The following SLC9A9 variants were observed in gnomAD, a reference collection of about 807,000 sequenced individuals.
SLC9A9 encodes solute carrier family 9 member A9.
In SLC9A9, 62 loss-of-function variants were observed where a neutral mutation model predicts 77.8. The ratio of observed to expected loss-of-function variants is 0.80; its 90% confidence interval spans 0.65 to 0.98. The LOEUF (loss-of-function observed/expected upper bound fraction) is 0.98, where lower values mean the gene tolerates loss of function less well. Among genes scored for constraint, SLC9A9 ranks in the 50% least tolerant of loss-of-function variants. SLC9A9 has a pLI of 0.00. For missense variants in SLC9A9, 775 were observed against 774.9 expected (o/e 1.00, Z 0.00); for synonymous variants, 320 against 283.5 (o/e 1.13, Z -1.29).
chr3:143,757,529 T>C (rs1051960126), intron 4 of SLC9A9, among the ~76,000 whole-genome samples: 2 of 152,102 alleles, frequency 1.3e-5, no homozygotes, highest in African/African-American at 4.8e-5. Context: ...GTACAACAAA[T>C]TTTTTTACTG....
At chr3:143,418,669 A>C (rs1029340321) in intron 12 of SLC9A9, among the ~76,000 whole-genome samples, 2 of 152,152 alleles carry the variant, frequency 1.3e-5, no homozygotes, top group Admixed American at 6.5e-5. Flanking sequence ...TGCAGAAGGA[A>C]TAAATTGTAT....
chr3:143,764,391 G>C (rs1221275427), intron 4 of SLC9A9, among the ~76,000 whole-genome samples: 1 of 152,114 alleles, frequency 6.6e-6, no homozygotes, highest in Non-Finnish European at 1.5e-5. Context: ...TCCGTCCTTG[G>C]AATGTAATAT....
intron 5 of SLC9A9, among the ~76,000 whole-genome samples, chr3:143,674,426 T>A (rs1011024598): frequency 2.6e-5 from 4 of 152,208 alleles, no homozygotes; most frequent in African/African-American, 9.7e-5. Flanking sequence ...TCCCTAACTG[T>A]GATCCTTTTA....
intron 14 of SLC9A9, among the ~76,000 whole-genome samples, chr3:143,353,002 A>G (rs1418459962): frequency 6.6e-6 from 1 of 152,174 alleles, no homozygotes; most frequent in East Asian, 1.9e-4. Flanking sequence ...TGCGGTCCCT[A>G]CACAATCTGT....
At chr3:143,410,184 A>T (rs2034065583) in intron 12 of SLC9A9, among the ~76,000 whole-genome samples, 1 of 152,202 alleles carries the variant, frequency 6.6e-6, no homozygotes, top group Non-Finnish European at 1.5e-5. Context: ...ATCAGGGCCC[A>T]CACTGGACTT....
intron 12 of SLC9A9, among the ~76,000 whole-genome samples, chr3:143,383,978 C>T (rs1012076032): frequency 1.3e-5 from 2 of 152,208 alleles, no homozygotes; most frequent in Non-Finnish European, 2.9e-5. Flanking sequence ...TGAATAGCCC[C>T]ATCTCTCTAA....
chr3:143,757,874 G>A (rs1054860769), intron 4 of SLC9A9, among the ~76,000 whole-genome samples: 3 of 152,118 alleles, frequency 2.0e-5, no homozygotes, highest in Non-Finnish European at 4.4e-5. Context: ...AAGATAACGA[G>A]ATAAGGAGGA....
At chr3:143,637,863 AC>A (rs1223833141) in intron 6 of SLC9A9, among the ~76,000 whole-genome samples, 2 of 152,148 alleles carry the variant, frequency 1.3e-5, no homozygotes, top group Non-Finnish European at 2.9e-5. Context: ...TAAAACACAT[AC>A]TTTCCACATC....
intron 1 of SLC9A9, among the ~76,000 whole-genome samples, chr3:143,836,226 C>T (rs1018637791): frequency 3.3e-5 from 5 of 152,228 alleles, no homozygotes; most frequent in Non-Finnish European, 7.3e-5. Flanking sequence ...GTTTGAACCA[C>T]ACACTTTAGA....
At chr3:143,450,518 A>G (rs1330962649) in intron 12 of SLC9A9, among the ~76,000 whole-genome samples, 1 of 152,108 alleles carries the variant, frequency 6.6e-6, no homozygotes, top group East Asian at 1.9e-4. Context: ...ATTTTTTAAA[A>G]TAATTTTCTG....
chr3:143,432,789 G>A (rs904415623), intron 12 of SLC9A9, among the ~76,000 whole-genome samples: 77 of 152,172 alleles, frequency 5.1e-4, no homozygotes, highest in African/African-American at 1.6e-3. Flanking sequence ...CCCCACACCC[G>A]GCTAATTTTT....
chr3:143,383,845 C>G (rs1015077054), intron 12 of SLC9A9, among the ~76,000 whole-genome samples: 2 of 152,168 alleles, frequency 1.3e-5, no homozygotes, highest in Non-Finnish European at 2.9e-5. Flanking sequence ...GTGGGGGAAG[C>G]AAGGCCATGT....
In SLC9A9 at chr3:143,546,286, A is replaced by G. The variant is rs529084262; in HGVS notation, c.1089+6076T>C. On this transcript the variant is annotated intron_variant, in intron 9 of 15. Coordinates refer to ENST00000316549, the MANE Select transcript of SLC9A9 (RefSeq NM_173653.4). ...TTTCCATTCAATGGCGATAAACACTATAAATATCATCTGGGGGGAATGGAA... is the reference window on the plus strand; with the variant it reads ...TTTCCATTCAATGGCGATAAACACTGTAAATATCATCTGGGGGGAATGGAA... 2.5e-4 allele frequency among the ~76,000 whole-genome samples: 38 copies of G among 152,362 alleles called. 1 individual carries two copies. The highest frequency in any genetic ancestry group is 6.7e-4 in the African/African-American group (28 of 41,596).
At chr3:143,782,855 C>T (rs973572114) in intron 4 of SLC9A9, among the ~76,000 whole-genome samples, 1 of 152,138 alleles carries the variant, frequency 6.6e-6, no homozygotes, top group African/African-American at 2.4e-5. Flanking sequence ...ACATGAGGCC[C>T]AAATTGTGAT....
intron 4 of SLC9A9, among the ~76,000 whole-genome samples, chr3:143,746,963 C>T (rs546783394): frequency 2.0e-5 from 3 of 152,122 alleles, no homozygotes; most frequent in East Asian, 1.9e-4. Flanking sequence ...TTCCTTCAAA[C>T]GCGACATATT....
rs115988745 is a variant in SLC9A9, at chr3:143,635,132, G to C, written c.755+17123C>G. ...CACGTGGTATCAGCTGGGGCAGCTT[G>C]AATGGGGTTGCAGGATCCACTTCAA... On this transcript the variant is annotated intron_variant, in intron 6 of 15. Coordinates refer to ENST00000316549, the MANE Select transcript of SLC9A9 (RefSeq NM_173653.4). 4.1e-3 allele frequency among the ~76,000 whole-genome samples: 624 copies of C among 152,298 alleles called. 1 individual carries two copies. Among genetic ancestry groups the C allele is most frequent in the African/African-American group, 0.014 (578 of 41,554 alleles).
At chr3:143,737,039 GT>G (rs139993058) in intron 4 of SLC9A9, among the ~76,000 whole-genome samples, 2,265 of 152,238 alleles carry the variant, frequency 0.015, 53 homozygotes, top group African/African-American at 0.052. Context: ...AAAATACCAA[GT>G]TACAATATTT....
At chr3:143,782,774 T>A (rs1466029418) in intron 4 of SLC9A9, among the ~76,000 whole-genome samples, 1 of 152,176 alleles carries the variant, frequency 6.6e-6, no homozygotes, top group African/African-American at 2.4e-5. Flanking sequence ...AGTTATTGAT[T>A]AAAAGCAAAG....
At chr3:143,552,300 A>G in intron 9 of SLC9A9, 62 bp downstream of exon 9, 1 of 1,222,416 alleles carries the variant, frequency 8.2e-7, no homozygotes, top group South Asian at 1.3e-5. Context: ...TACTGCCAGA[A>G]TTGCTACATA....
Sources: allele counts gnomAD v4.1 joint callset (sites outside exome capture counted in the v4.1 genomes callset), GRCh38; gene constraint gnomAD v4.1.1; transcripts MANE v1.5; gene names NCBI Gene and HGNC (gene_info 2026-07-23, HGNC 2026-07-21).